The following COL3A1 variants were observed in gnomAD, a reference collection of about 807,000 sequenced individuals.
COL3A1 encodes the protein collagen alpha-1(III) chain.
In COL3A1, 46 loss-of-function variants were observed where a neutral mutation model predicts 200.9. The observed-to-expected ratio is 0.23, with a 90% confidence interval of 0.18 to 0.29. COL3A1 has a LOEUF of 0.29. Ranked by LOEUF, COL3A1 falls within the 10% of genes least tolerant of loss-of-function variation. The pLI is 1.00. For synonymous variants in COL3A1, 650 were observed against 628.0 expected (o/e 1.03, Z -0.52); for missense variants, 1,367 against 1,917.6 (o/e 0.71, Z 5.36).
rs780763629 is a variant in COL3A1, at chr2:188,998,323, A to G, written c.1977+4A>G. On this transcript the variant is annotated splice_donor_region_variant and intron_variant, in intron 28 of 50. Transcript: ENST00000304636. ...AAATGGAAAACCTGGGGAACCAGTA[A>G]GTTACGTTTCATTATTCAAAACTCA... 3.7e-6 allele frequency: 6 copies of G among 1,612,974 alleles called. No individual in the cohort carries two copies. Among genetic ancestry groups the G allele is most frequent in the African/African-American group, 1.3e-5 (1 of 74,916 alleles).
In COL3A1 at chr2:188,991,716, G is replaced by C; in HGVS notation, c.945G>C (p.Gly315=). The part of the protein sequence containing the change: ...PGERGRPGLP[G]AAGARGNDGA... ...AGCGAGGACGGCCAGGACTTCCTGGGGCTGCAGTGAGTATAGCTGCTAACA... is the reference window on the plus strand; with the variant it reads ...AGCGAGGACGGCCAGGACTTCCTGGCGCTGCAGTGAGTATAGCTGCTAACA... The change falls in exon 13 of 51, where the codon GGG becomes GGC. Residue 315 remains glycine (G), a synonymous_variant. Transcript: ENST00000304636. The C allele has an allele frequency of 1.2e-6, 2 of 1,613,944 alleles. No individual in the cohort carries two copies. The highest frequency in any genetic ancestry group is 2.2e-5 in the South Asian group (2 of 91,070).
intron 24 of COL3A1, 61 bp downstream of exon 24, chr2:188,996,557 TG>T: frequency 7.2e-7 from 1 of 1,397,566 alleles, no homozygotes; most frequent in Admixed American, 1.8e-5. Context: ...ATTTTCCATA[TG>T]GAGTAAAGAA....
At chr2:188,997,433 G>A in intron 26 of COL3A1, 44 bp downstream of exon 26, 1 of 1,570,512 alleles carries the variant, frequency 6.4e-7, no homozygotes. Context: ...TAGGGTGGAG[G>A]TGGGGCAGGA....
chr2:188,991,574 C>A (rs377690512), intron 12 of COL3A1, 43 bp downstream of exon 12: 1 of 1,601,774 alleles, frequency 6.2e-7, no homozygotes, highest in Non-Finnish European at 8.6e-7. Flanking sequence ...TTATTATTAA[C>A]CTCATTGTTA....
At chr2:188,986,965 A>G (rs2153501622) in intron 4 of COL3A1, 94 bp from the exon 5 acceptor site, 1 of 1,051,064 alleles carries the variant, frequency 9.5e-7, no homozygotes, top group Non-Finnish European at 1.5e-6. Context: ...ACCTATCAGT[A>G]GACAGTAGAT....
chr2:188,985,418 A>G (rs1688045982), intron 3 of COL3A1, among the ~76,000 whole-genome samples, 171 bp downstream of exon 3: 2 of 152,030 alleles, frequency 1.3e-5, no homozygotes, highest in South Asian at 2.1e-4. Flanking sequence ...AAAGATTTCA[A>G]TTTCCCAAAC....
intron 4 of COL3A1, among the ~76,000 whole-genome samples, chr2:188,986,792 G>A (rs1418355089): frequency 2.0e-5 from 3 of 151,944 alleles, no homozygotes; most frequent in Non-Finnish European, 2.9e-5. Flanking sequence ...TTAAGTAAGC[G>A]CATAATAGGA....
chr2:188,994,399 T>C lies in COL3A1; in HGVS notation c.1293+67T>C. The C allele has an allele frequency of 6.2e-7, 1 of 1,600,016 alleles. No individual in the cohort carries two copies. Among genetic ancestry groups the C allele is most frequent in the Non-Finnish European group, 8.6e-7 (1 of 1,168,376 alleles). On this transcript the variant is annotated intron_variant, in intron 18 of 50. Transcript: ENST00000304636. The surrounding 1 kb of genome is among the most constrained non-coding windows in gnomAD (Gnocchi z 4.5). ...TTTAATTCCATCAACAAAAAATTAA[T>C]AGCAAAATTTTGCTCCTGTTCAGTT...
chr2:188,994,563 C>A lies in COL3A1; in HGVS notation c.1316C>A (p.Ala439Asp), dbSNP rs1209806133. Residue 439 changes from alanine to aspartate, a missense_variant, in exon 19 of 51, where the codon GCC becomes GAC. Ala to Asp is a moderately radical substitution (Grantham distance 126, BLOSUM62 -2). Around this residue, in one of 5 missense-constraint regions of COL3A1, gnomAD observed 462 missense variants for 681.4 expected, o/e 0.68. Coordinates refer to ENST00000304636, the MANE Select transcript of COL3A1 (RefSeq NM_000090.4). The surrounding 1 kb of genome is among the most constrained non-coding windows in gnomAD (Gnocchi z 4.5). ...TAGGGTGAGCCTGGTAAGAATGGTG[C>A]CAAAGGAGAGCCCGGACCACGTGGT... ...GGAGEPGKNG[A>D]KGEPGPRGER... is the part of the protein sequence containing the mutation. 1 of 1,614,002 alleles carries A rather than the reference C, an allele frequency of 6.2e-7. No homozygotes were observed. Among genetic ancestry groups the A allele is most frequent in the Non-Finnish European group, 8.5e-7 (1 of 1,180,018 alleles).
At chr2:188,982,204 C>T (rs1311013204) in intron 1 of COL3A1, among the ~76,000 whole-genome samples, 1 of 151,424 alleles carries the variant, frequency 6.6e-6, no homozygotes, top group Non-Finnish European at 1.5e-5. Context: ...ATTGAGGCCT[C>T]CGTGTTTTAA....
rs754004041 is a variant in COL3A1, at chr2:188,974,466, G to A, written c.-24G>A. 8 of 1,593,338 alleles carry A rather than the reference G, an allele frequency of 5.0e-6. No individual in the cohort carries two copies. The Admixed American group carries it at 8.3e-5, about 17-fold the overall frequency. ...TTTTCTTTTCTCCTTTTTGCACAAA[G>A]AGTCTCATGTCTGATATTTAGACAT... On this transcript the variant is annotated 5_prime_UTR_variant, in exon 1 of 51. Transcript: ENST00000304636.
chr2:188,994,780 A>C lies in COL3A1; in HGVS notation c.1404A>C (p.Gly468=). The change falls in exon 20 of 51, where the codon GGA becomes GGC. Residue 468 remains glycine, a synonymous_variant. Transcript: ENST00000304636. This position sits in a 1 kb window ranked among gnomAD's most constrained non-coding sequence, Gnocchi z 4.5. ...PGAKGEDGKD[G]SPGEPGANGL... Reference sequence around the variant, plus strand: ...CTAAAGGCGAAGATGGCAAGGATGGATCACCTGGAGAACCTGGTGCAAATG... The same window carrying C: ...CTAAAGGCGAAGATGGCAAGGATGGCTCACCTGGAGAACCTGGTGCAAATG... The C allele has an allele frequency of 6.2e-7, 1 of 1,613,632 alleles. No homozygotes were observed. The highest frequency in any genetic ancestry group is 1.1e-5 in the South Asian group (1 of 91,046).
chr2:188,996,030 T>A (rs560761781), intron 22 of COL3A1, 95 bp from the exon 23 acceptor site: 2 of 1,270,126 alleles, frequency 1.6e-6, no homozygotes, highest in Non-Finnish European at 2.3e-6. Flanking sequence ...AGGCTTCACA[T>A]GTAAGTGAAA....
At chr2:188,993,548 C>A in intron 16 of COL3A1, 89 bp downstream of exon 16, 2 of 1,109,622 alleles carry the variant, frequency 1.8e-6, no homozygotes, top group Non-Finnish European at 2.7e-6. Context: ...AAAGCATGTG[C>A]TTCAATATGG....
intron 24 of COL3A1, among the ~76,000 whole-genome samples, 169 bp from the exon 25 acceptor site, chr2:188,996,996 T>C (rs1323709290): frequency 6.9e-6 from 1 of 145,082 alleles, no homozygotes; most frequent in Non-Finnish European, 1.5e-5. Context: ...CTCAAAAATA[T>C]GTATGTGTGT....
chr2:189,009,350 A>G, intron 48 of COL3A1, 129 bp downstream of exon 48: 5 of 1,104,122 alleles, frequency 4.5e-6, no homozygotes, highest in Non-Finnish European at 6.6e-6. Flanking sequence ...AGTTAACTGA[A>G]TTGAAACTGC....
chr2:189,007,630 A>G, intron 45 of COL3A1, 23 bp downstream of exon 45: 2 of 1,581,436 alleles, frequency 1.3e-6, no homozygotes, highest in South Asian at 1.1e-5. Context: ...ATTTTGTTGG[A>G]AAATCCCTTC....
At chr2:189,010,026 C>G (rs1688685388) in intron 48 of COL3A1, 152 bp from the exon 49 acceptor site, 2 of 719,466 alleles carry the variant, frequency 2.8e-6, no homozygotes, top group Admixed American at 2.5e-5. Flanking sequence ...TTTACCTCAG[C>G]AATTTCAATC....
At chr2:189,010,506 A>G (rs1041921771) in intron 49 of COL3A1, 141 bp downstream of exon 49, 1 of 1,483,020 alleles carries the variant, frequency 6.7e-7, no homozygotes, top group South Asian at 1.2e-5. Flanking sequence ...GGCATGCAAT[A>G]AAAATATTTT....
Sources: gnomAD v4.1 joint callset for allele counts (sites outside exome capture counted in the v4.1 genomes callset) on GRCh38, gnomAD v4.1.1 for gene constraint, gnomAD v4.1.1 regional missense constraint, Gnocchi (gnomAD v3.1) non-coding constraint, MANE v1.5 for transcripts, NCBI Gene and HGNC (gene_info 2026-07-23, HGNC 2026-07-21) for gene names.